The following CTNND2 variants were observed in gnomAD, a reference collection of about 807,000 sequenced individuals.
CTNND2 encodes catenin delta 2.
In CTNND2, 22 loss-of-function variants were observed where a neutral mutation model predicts 144.4. The ratio of observed to expected loss-of-function variants is 0.15; its 90% CI spans 0.11 to 0.22. CTNND2 has a LOEUF of 0.22. CTNND2 is among the 10% of genes least tolerant of loss of function. The probability of loss-of-function intolerance (pLI) is 1.00; values close to 1 mark genes in which losing one functional copy is unlikely to be tolerated. For missense variants in CTNND2, 1,353 were observed against 1,618.8 expected (o/e 0.84, Z 2.82); for synonymous variants, 751 against 695.6 (o/e 1.08, Z -1.25).
rs566962804 is a variant in CTNND2 at position 11,750,462 on chromosome 5, T to G, written c.38-18190A>C. On this transcript the variant is annotated intron_variant, in intron 1 of 21. Transcript: ENST00000304623. ...GCCAGTGTGATTTTGGTATTGTTTG[T>G]TACTTTGGCATGCCCAGCCCATCCT... 2.0e-5 allele frequency among the ~76,000 whole-genome samples: 3 copies of G among 152,044 alleles called. No homozygotes were observed. The East Asian group carries it at 5.8e-4, about 29-fold the overall frequency.
chr5:11,556,917 T>A lies in CTNND2; in HGVS notation c.287+8027A>T, dbSNP rs181841430. Among the ~76,000 whole-genome samples, 260 of 152,274 alleles carry A rather than the reference T, an allele frequency of 1.7e-3. 2 individuals are homozygous for A. The highest frequency in any genetic ancestry group is 6.1e-3 in the African/African-American group (254 of 41,570). ...TAAAAATGGTGGGGTTAAAGATGATTGCTTTATTTAGTTGTCCTTATTCTA... is the reference window on the plus strand; with the variant it reads ...TAAAAATGGTGGGGTTAAAGATGATAGCTTTATTTAGTTGTCCTTATTCTA... On this transcript the variant is annotated intron_variant, in intron 3 of 21. Coordinates refer to ENST00000304623, the MANE Select transcript of CTNND2 (RefSeq NM_001332.4).
rs1211364865 is a variant in CTNND2, at chr5:11,711,590, TTAGC to T, written c.174+20542_174+20545del. Among the ~76,000 whole-genome samples the T allele has an allele frequency of 4.6e-5, 7 of 152,348 alleles. No individual in the cohort carries two copies. The East Asian group carries it at 1.3e-3, about 29-fold the overall frequency. On this transcript the variant is annotated intron_variant, in intron 2 of 21. Transcript: ENST00000304623. ...CATGTTATGAACTGTTTTAAGCTCT[TTAGC>T]TATATTAACTTTGAAATTCTTACAA...
At chr5:11,690,791 G>C (rs1045402201) in intron 2 of CTNND2, among the ~76,000 whole-genome samples, 7 of 117,134 alleles carry the variant, frequency 6.0e-5, no homozygotes, top group African/African-American at 1.4e-4. Flanking sequence ...TATGCTTTCA[G>C]CAATATACTC....
chr5:11,244,261 C>T (rs1405520737), intron 9 of CTNND2, among the ~76,000 whole-genome samples: 2 of 143,508 alleles, frequency 1.4e-5, no homozygotes, highest in Admixed American at 6.9e-5. Context: ...TAACTAAAAA[C>T]AAAAAGCTGT....
At chr5:11,728,366 G>T (rs576205091) in intron 2 of CTNND2, among the ~76,000 whole-genome samples, 2 of 152,210 alleles carry the variant, frequency 1.3e-5, no homozygotes, top group South Asian at 2.1e-4. Flanking sequence ...CTATTCAGGA[G>T]GCTGGGGCAG....
At chr5:11,303,893 C>A (rs571750451) in intron 9 of CTNND2, among the ~76,000 whole-genome samples, 1 of 152,158 alleles carries the variant, frequency 6.6e-6, no homozygotes, top group Non-Finnish European at 1.5e-5. Flanking sequence ...TGGGAGATAA[C>A]TGAATCATGG....
chr5:11,521,085 A>C (rs574855251), intron 3 of CTNND2, among the ~76,000 whole-genome samples: 1 of 152,350 alleles, frequency 6.6e-6, no homozygotes, highest in East Asian at 1.9e-4. Flanking sequence ...TTCAAGTTGA[A>C]GATGTGCTTA....
At chr5:11,713,583 C>CAAAAAAAAAAAAAA (rs1165519277) in intron 2 of CTNND2, among the ~76,000 whole-genome samples, 1 of 57,890 alleles carries the variant, frequency 1.7e-5, no homozygotes, top group African/African-American at 5.7e-5. Flanking sequence ...GACTCCATCT[C>CAAAAAAAAAAAAAA]AAAAAAAAAA....
chr5:11,904,281 C>A lies in CTNND2; in HGVS notation c.-428G>T, dbSNP rs537600564. Among the ~76,000 whole-genome samples, 1,474 of 146,318 alleles carry A rather than the reference C, an allele frequency of 0.01. 28 individuals carry two copies. The highest frequency in any genetic ancestry group is 0.034 in the African/African-American group (1,400 of 40,894). ...CGCCGAGCGCTCCCGAGCTGCGCCC[C>A]GCGCGCGGCCCGCGCCACCTGTGCC... On this transcript the variant is annotated 5_prime_UTR_variant, in exon 1 of 22. Transcript: ENST00000304623. This position sits in a 1 kb window ranked among gnomAD's most constrained non-coding sequence, Gnocchi z 4.2.
intron 1 of CTNND2, among the ~76,000 whole-genome samples, chr5:11,818,780 T>C (rs1793155113): frequency 6.6e-6 from 1 of 152,120 alleles, no homozygotes; most frequent in African/African-American, 2.4e-5. Flanking sequence ...ACAGCATATG[T>C]CACACATCCA....
chr5:11,265,399 G>A (rs1298557506), intron 9 of CTNND2, among the ~76,000 whole-genome samples: 1 of 152,044 alleles, frequency 6.6e-6, no homozygotes, highest in Non-Finnish European at 1.5e-5. Context: ...AGTTTCTGGG[G>A]CACACAGGAG....
chr5:11,362,282 T>C (rs570338329), intron 8 of CTNND2, among the ~76,000 whole-genome samples: 2 of 152,350 alleles, frequency 1.3e-5, no homozygotes, highest in East Asian at 3.9e-4. Context: ...ATGGGTGTTA[T>C]TCTAGACAGA....
At chr5:11,569,075 G>A (rs1240641555) in intron 2 of CTNND2, among the ~76,000 whole-genome samples, 1 of 152,268 alleles carries the variant, frequency 6.6e-6, no homozygotes, top group South Asian at 2.1e-4. Flanking sequence ...CTGGGGTAAA[G>A]GATCACTAGT....
At chr5:11,028,920 G>C (rs923536842) in intron 16 of CTNND2, among the ~76,000 whole-genome samples, 3 of 152,222 alleles carry the variant, frequency 2.0e-5, no homozygotes, top group African/African-American at 7.2e-5. Context: ...ATGTTGGCCA[G>C]GCTGGTTTGA....
chr5:11,031,476 A>C (rs2149551879), intron 16 of CTNND2, among the ~76,000 whole-genome samples: 1 of 152,248 alleles, frequency 6.6e-6, no homozygotes, highest in African/African-American at 2.4e-5. Context: ...AGCCTTCTGA[A>C]ATTTTTAAGT....
At chr5:11,079,470 G>A (rs1196268422) in intron 16 of CTNND2, among the ~76,000 whole-genome samples, 3 of 152,194 alleles carry the variant, frequency 2.0e-5, no homozygotes, top group African/African-American at 7.2e-5. Context: ...AGAGGTTTCA[G>A]TAGATTCATC....
chr5:11,775,815 C>T (rs1400801059), intron 1 of CTNND2, among the ~76,000 whole-genome samples: 1 of 152,120 alleles, frequency 6.6e-6, no homozygotes, highest in Non-Finnish European at 1.5e-5. Context: ...TAAATAGAGT[C>T]TTTGCAGATA....
At chr5:11,112,643 G>A (rs942650004) in intron 13 of CTNND2, among the ~76,000 whole-genome samples, 1 of 152,174 alleles carries the variant, frequency 6.6e-6, no homozygotes, top group African/African-American at 2.4e-5. Context: ...GAAAGCTGGG[G>A]CACAGTAAAT....
intron 1 of CTNND2, among the ~76,000 whole-genome samples, chr5:11,850,326 A>G (rs1794954993): frequency 6.6e-6 from 1 of 152,186 alleles, no homozygotes; most frequent in African/African-American, 2.4e-5. Context: ...AATGATGAAC[A>G]TATTTTGTTT....
Sources: gnomAD v4.1 joint callset for allele counts (sites outside exome capture counted in the v4.1 genomes callset) on GRCh38, gnomAD v4.1.1 for gene constraint, Gnocchi (gnomAD v3.1) non-coding constraint, MANE v1.5 for transcripts, NCBI Gene and HGNC (gene_info 2026-07-23, HGNC 2026-07-21) for gene names.